Variants in MBNL2 observed in about 807,000 individuals in gnomAD.
MBNL2 encodes muscleblind-like protein 2.
A neutral mutation model predicts 41.9 loss-of-function variants in MBNL2; 17 were observed. The ratio of observed to expected loss-of-function variants is 0.41; its 90% CI spans 0.28 to 0.61. The LOEUF is 0.61. MBNL2 is among the 20% of genes least tolerant of loss of function. MBNL2 has a pLI of 0.35. For synonymous variants in MBNL2, 195 were observed against 182.9 expected, an observed-to-expected ratio of 1.07 and a Z score of -0.53; for missense variants, 336 against 505.6, an observed-to-expected ratio of 0.66 and a Z score of 3.22.
chr13:97,230,923 A>T (rs1207510438), intron 1 of MBNL2, among the ~76,000 whole-genome samples: 4 of 152,346 alleles, frequency 2.6e-5, no homozygotes, highest in African/African-American at 9.6e-5. Flanking sequence ...TTGACTTTTT[A>T]AAAGTCGATC....
intron 1 of MBNL2, among the ~76,000 whole-genome samples, chr13:97,228,656 A>G (rs2041991491): frequency 6.6e-6 from 1 of 151,170 alleles, no homozygotes; most frequent in Non-Finnish European, 1.5e-5. Flanking sequence ...CAGCCTCCCA[A>G]GTAGCTGGGA....
At chr13:97,181,668 T>G in the MBNL2 span, among the ~76,000 whole-genome samples, 2 of 152,188 alleles carry the variant, frequency 1.3e-5, no homozygotes, top group Non-Finnish European at 2.9e-5. Context: ...AAGCATGACT[T>G]TGGTGAGTGT....
At chr13:97,269,557 C>A (rs2050506350) in intron 1 of MBNL2, among the ~76,000 whole-genome samples, 1 of 152,160 alleles carries the variant, frequency 6.6e-6, no homozygotes, top group Admixed American at 6.5e-5. Flanking sequence ...GAAGCAGGCT[C>A]CCATTGGTGC....
the MBNL2 span, among the ~76,000 whole-genome samples, chr13:97,144,135 C>T: frequency 6.6e-6 from 1 of 152,178 alleles, no homozygotes; most frequent in Non-Finnish European, 1.5e-5. Flanking sequence ...TGAGCCACCA[C>T]GCCCGGCTGT....
chr13:97,299,250 A>G (rs1327241199), intron 2 of MBNL2, among the ~76,000 whole-genome samples: 1 of 152,032 alleles, frequency 6.6e-6, no homozygotes, highest in African/African-American at 2.4e-5. Context: ...GCTGAATGAA[A>G]TTTAAAGTTT....
the MBNL2 span, among the ~76,000 whole-genome samples, chr13:97,216,039 C>T: frequency 6.6e-6 from 1 of 152,186 alleles, no homozygotes; most frequent in Non-Finnish European, 1.5e-5. Context: ...TCCTATTTTC[C>T]TTAACCCAGA....
intron 8 of MBNL2, among the ~76,000 whole-genome samples, chr13:97,386,400 A>G (rs572095811): frequency 6.6e-6 from 1 of 152,368 alleles, no homozygotes; most frequent in East Asian, 1.9e-4. Flanking sequence ...CTTTTGGCAA[A>G]TGAAAAGGTC....
At chr13:97,265,510 G>A (rs917635862) in intron 1 of MBNL2, among the ~76,000 whole-genome samples, 3 of 152,332 alleles carry the variant, frequency 2.0e-5, no homozygotes, top group Middle Eastern at 3.4e-3. Context: ...TATCAAGGGC[G>A]TGTCCAACTC....
At chr13:97,183,391 G>A in the MBNL2 span, among the ~76,000 whole-genome samples, 261 of 152,136 alleles carry the variant, frequency 1.7e-3, 1 homozygote, top group African/African-American at 5.9e-3. Context: ...AGACTCATTC[G>A]GTTTCCAGTG....
At chr13:97,380,286 G>GA (rs1465425094) in intron 8 of MBNL2, among the ~76,000 whole-genome samples, 5 of 152,094 alleles carry the variant, frequency 3.3e-5, no homozygotes, top group African/African-American at 1.2e-4. Flanking sequence ...ATGAGATCAG[G>GA]AATTTGAGAC....
At chr13:97,288,272 A>G (rs1040423215) in intron 2 of MBNL2, among the ~76,000 whole-genome samples, 8 of 152,202 alleles carry the variant, frequency 5.3e-5, no homozygotes, top group African/African-American at 1.9e-4. Context: ...AATCCACACC[A>G]GCAAACTCAC....
At chr13:97,246,841 C>CT (rs1389234855) in intron 1 of MBNL2, among the ~76,000 whole-genome samples, 1 of 152,194 alleles carries the variant, frequency 6.6e-6, no homozygotes, top group East Asian at 1.9e-4. Context: ...TTACAGTCAG[C>CT]TTTATCGCCA....
At chr13:97,389,137 G>A (rs1258165909) in intron 8 of MBNL2, among the ~76,000 whole-genome samples, 4 of 152,206 alleles carry the variant, frequency 2.6e-5, no homozygotes, top group African/African-American at 9.6e-5. Flanking sequence ...CAGTCTGGGT[G>A]AGACTAGTTT....
chr13:97,348,260 A>AT (rs1566433148), intron 5 of MBNL2, among the ~76,000 whole-genome samples: 1 of 151,720 alleles, frequency 6.6e-6, no homozygotes. Flanking sequence ...GGGTCTCACC[A>AT]TGTTGTCCAG....
intron 2 of MBNL2, among the ~76,000 whole-genome samples, chr13:97,329,430 G>A (rs1283329935): frequency 6.6e-6 from 1 of 152,040 alleles, no homozygotes; most frequent in Non-Finnish European, 1.5e-5. Context: ...TTCAACAGCA[G>A]GAACTTCATA....
At chr13:97,198,966 C>A in the MBNL2 span, among the ~76,000 whole-genome samples, 6 of 152,254 alleles carry the variant, frequency 3.9e-5, no homozygotes, top group East Asian at 1.2e-3. Flanking sequence ...TGCTCAAAAC[C>A]CTCCAGTGGC....
chr13:97,287,201 G>A (rs1396280211), intron 2 of MBNL2, among the ~76,000 whole-genome samples: 2 of 152,140 alleles, frequency 1.3e-5, no homozygotes, highest in Non-Finnish European at 2.9e-5. Context: ...CAGGTCACAT[G>A]GAGACTTGCT....
chr13:97,273,627 G>T (rs1193920812), intron 1 of MBNL2, among the ~76,000 whole-genome samples: 1 of 152,274 alleles, frequency 6.6e-6, no homozygotes, highest in East Asian at 1.9e-4. Flanking sequence ...AAATGTAAAA[G>T]AATTATTGGG....
chr13:97,388,314 C>CATACATATATATATATATATATATATAT (rs1555323244), intron 8 of MBNL2, among the ~76,000 whole-genome samples: 34 of 139,690 alleles, frequency 2.4e-4, no homozygotes, highest in African/African-American at 8.3e-4. Context: ...TACATACATA[C>CATACATATATATATATATATATATATAT]ATATATATAT....
Sources: allele counts gnomAD v4.1 joint callset (sites outside exome capture counted in the v4.1 genomes callset), GRCh38; gene constraint gnomAD v4.1.1; transcripts MANE v1.5; gene names NCBI Gene and HGNC (gene_info 2026-07-23, HGNC 2026-07-21).